Variants in TMEM106B observed in about 807,000 individuals in gnomAD.
TMEM106B encodes transmembrane protein 106B.
Under a neutral mutation model 31.1 loss-of-function variants are expected in TMEM106B, and 15 were observed. That is an observed-to-expected ratio of 0.48 (90% confidence interval 0.32 to 0.74). The LOEUF (loss-of-function observed/expected upper bound fraction) is 0.74, where lower values mean the gene tolerates loss of function less well. TMEM106B is among the 30% of genes least tolerant of loss of function. The pLI, the probability that TMEM106B is intolerant of heterozygous loss-of-function variation, is 0.03. For missense variants in TMEM106B, 283 were observed against 327.3 expected (o/e 0.86, Z 1.04); for synonymous variants, 126 against 112.5 (o/e 1.12, Z -0.76).
chr7:12,224,111 A>C lies in TMEM106B; in HGVS notation c.282-115A>C, dbSNP rs1781846040. 9.6e-6 allele frequency: 9 copies of C among 938,698 alleles called. No individual in the cohort carries two copies. The South Asian group carries it at 1.5e-4, about 15-fold the overall frequency. The allele number at this position is 938,698 out of a possible 1,614,324, so 58.1% of individuals were successfully genotyped here. On this transcript the variant is annotated intron_variant, in intron 3 of 7. Coordinates refer to ENST00000396668, the MANE Select transcript of TMEM106B (RefSeq NM_001134232.2). ...CAGATGTGAAAATTTGGTAACATTT[A>C]GCATCTTATATATGTTGCTGCTGAT...
intron 1 of TMEM106B, among the ~76,000 whole-genome samples, chr7:12,212,680 T>A (rs1781604042): frequency 6.6e-6 from 1 of 152,190 alleles, no homozygotes; most frequent in African/African-American, 2.4e-5. Context: ...GCTACATTGA[T>A]ACACAACATC....
At chr7:12,227,350 CTATAATG>C (rs1781920787) in intron 4 of TMEM106B, among the ~76,000 whole-genome samples, 2 of 152,094 alleles carry the variant, frequency 1.3e-5, no homozygotes, top group African/African-American at 2.4e-5. Flanking sequence ...CATTTGAGAA[CTATAATG>C]TATAAAGATT....
chr7:12,230,361 C>A, intron 5 of TMEM106B, 28 bp from the exon 6 acceptor site: 1 of 1,536,520 alleles, frequency 6.5e-7, no homozygotes, highest in Non-Finnish European at 9.0e-7. Flanking sequence ...ATCTTGTTCT[C>A]TATCGAATTT....
In TMEM106B at chr7:12,238,401, A is replaced by C. The variant is rs986526038; in HGVS notation, c.*6426A>C. 3 of 152,168 alleles carry C rather than the reference A, an allele frequency of 2.0e-5. No homozygotes were observed. Among genetic ancestry groups the C allele is most frequent in the Non-Finnish European group, 1.5e-5 (1 of 68,058 alleles). The allele number at this position is 152,168 out of a possible 1,614,324, so 9.4% of individuals were successfully genotyped here. On this transcript the variant is annotated 3_prime_UTR_variant, in exon 8 of 8. Transcript: ENST00000396668. ...CTTCACTGAAGTCATGAACCCCTCA[A>C]AATTATCCATGAGAGTTGAAATCAA...
rs1323504804 is a variant in TMEM106B, at chr7:12,239,802, C to A, written c.*7827C>A. 2 of 151,882 alleles carry A rather than the reference C, an allele frequency of 1.3e-5. No homozygotes were observed. The highest frequency in any genetic ancestry group is 2.9e-5 in the Non-Finnish European group (2 of 67,954). 9.4% of individuals were successfully genotyped at this position (151,882 alleles called of 1,614,324 possible). ...GGTTCATGCTGCCTCCAAATACTTA[C>A]AAAAACATCAAAGATCACTGATTAC... On this transcript the variant is annotated 3_prime_UTR_variant, in exon 8 of 8. Transcript: ENST00000396668.
At chr7:12,228,014 A>C (rs1781936508) in intron 4 of TMEM106B, among the ~76,000 whole-genome samples, 1 of 151,930 alleles carries the variant, frequency 6.6e-6, no homozygotes, top group Admixed American at 6.6e-5. Context: ...CCTTGGTCTT[A>C]TCAGAAGATC....
rs14978 is a variant in TMEM106B at position 12,233,526 on chromosome 7, A to G, written c.*1551A>G. On this transcript the variant is annotated 3_prime_UTR_variant, in exon 8 of 8. Transcript: ENST00000396668. ...CTTAATTTTCATATTATTTTCTGCA[A>G]GTTTTCTTGAGTATCTTCAATTCGT... 0.37 allele frequency: 55,819 copies of G among 150,740 alleles called. 10,707 individuals are homozygous for G. The highest frequency in any genetic ancestry group is 0.53 in the East Asian group (2,735 of 5,144). The allele number at this position is 150,740 out of a possible 1,614,324, so 9.3% of individuals were successfully genotyped here.
At chr7:12,230,164 C>T (rs1009439969) in intron 5 of TMEM106B, among the ~76,000 whole-genome samples, 1 of 151,646 alleles carries the variant, frequency 6.6e-6, no homozygotes, top group Non-Finnish European at 1.5e-5. Context: ...GCTCGCGAGC[C>T]GTGATCACAC....
Position 12,230,432 on chromosome 7 carries a change from A to G in TMEM106B, c.626A>G (p.Tyr209Cys). 1 of 1,585,404 alleles carries G rather than the reference A, an allele frequency of 6.3e-7. No individual in the cohort carries two copies. The highest frequency in any genetic ancestry group is 8.6e-7 in the Non-Finnish European group (1 of 1,158,496). Residue 209 changes from tyrosine to cysteine, a missense_variant, in exon 6 of 8, where the codon TAT (tyrosine) becomes TGT (cysteine). Tyr to Cys is a radical substitution (Grantham distance 194, BLOSUM62 -2). Coordinates refer to ENST00000396668, the MANE Select transcript of TMEM106B (RefSeq NM_001134232.2). Reference protein sequence around the residue: ...VPTVIAEEMSYMYDFCTLISI... With the variant: ...VPTVIAEEMSCMYDFCTLISI... ...ACCGTTATAGCAGAGGAAATGAGTT[A>G]TATGTAGTAAGTTCTGATTTATAAT...
In TMEM106B at chr7:12,232,490, C is replaced by G. The variant is rs1042949; in HGVS notation, c.*515C>G. ...TTAGCTTTTAGCTAGACATTTATAG[C>G]TTTTCATTTGTTGAAATGGTAATCA... On this transcript the variant is annotated 3_prime_UTR_variant, in exon 8 of 8. Coordinates refer to ENST00000396668, the MANE Select transcript of TMEM106B (RefSeq NM_001134232.2). 76,660 of 151,808 alleles carry G rather than the reference C, an allele frequency of 0.5. 20,460 individuals are homozygous for G. Among genetic ancestry groups the G allele is most frequent in the African/African-American group, 0.66 (27,474 of 41,434 alleles). 9.4% of individuals were successfully genotyped at this position (151,808 alleles called of 1,614,324 possible). A position where few individuals can be genotyped will look rare whatever the true frequency, so the allele number is the denominator to read the frequency against.
chr7:12,212,935 G>C (rs777225248), intron 1 of TMEM106B, among the ~76,000 whole-genome samples: 4 of 152,184 alleles, frequency 2.6e-5, no homozygotes, highest in Non-Finnish European at 4.4e-5. Flanking sequence ...ATCAAATTTA[G>C]AAGGAGTATA....
intron 2 of TMEM106B, among the ~76,000 whole-genome samples, chr7:12,216,401 G>C (rs1457432015): frequency 6.6e-6 from 1 of 152,026 alleles, no homozygotes; most frequent in Non-Finnish European, 1.5e-5. Context: ...GATTATTTGA[G>C]TGTATATGTC....
chr7:12,216,345 C>T (rs1432710769), intron 2 of TMEM106B, among the ~76,000 whole-genome samples: 1 of 148,980 alleles, frequency 6.7e-6, no homozygotes, highest in Non-Finnish European at 1.5e-5. Flanking sequence ...TTTGTTTGAG[C>T]AACTGAAAGA....
At chr7:12,225,945 G>T (rs1781892971) in intron 4 of TMEM106B, among the ~76,000 whole-genome samples, 1 of 152,162 alleles carries the variant, frequency 6.6e-6, no homozygotes, top group African/African-American at 2.4e-5. Flanking sequence ...CCTACATCCT[G>T]AATGGTATTG....
chr7:12,231,607 T>C (rs542566177), intron 7 of TMEM106B: 182 of 366,496 alleles, frequency 5.0e-4, no homozygotes, highest in Non-Finnish European at 7.5e-4. Context: ...ATAATTGTTT[T>C]AAAATATTAC....
In TMEM106B at chr7:12,229,707, A is replaced by G. The variant is rs1019261634; in HGVS notation, c.470A>G (p.Tyr157Cys). 2 of 1,611,106 alleles carry G rather than the reference A, an allele frequency of 1.2e-6. No individual in the cohort carries two copies. The highest frequency in any genetic ancestry group is 8.5e-7 in the Non-Finnish European group (1 of 1,179,148). Residue 157 changes from tyrosine to cysteine, a missense_variant, in exon 5 of 8, where the codon TAT becomes TGT. Coordinates refer to ENST00000396668, the MANE Select transcript of TMEM106B (RefSeq NM_001134232.2). The stretch of plus-strand genomic sequence containing the variant: ...ACACTAAATATAACAAACAATAACT[A>G]TTACTCTGTCGAAGTTGAAAACATC... ...TNTLNITNNN[Y>C]YSVEVENITA...
chr7:12,224,060 T>A lies in TMEM106B; in HGVS notation c.282-166T>A, dbSNP rs550319246. Among the ~76,000 whole-genome samples, 4 of 152,294 alleles carry A rather than the reference T, an allele frequency of 2.6e-5. No homozygotes were observed. The East Asian group carries it at 7.7e-4, about 29-fold the overall frequency. ...GAGAACATCTTAACACTTAATAGAC[T>A]CAGACTCAACCATACCCAATACTTT... On this transcript the variant is annotated intron_variant, in intron 3 of 7. Transcript: ENST00000396668.
At chr7:12,224,491 C>T (rs1217412020) in intron 4 of TMEM106B, 106 bp downstream of exon 4, 7 of 888,140 alleles carry the variant, frequency 7.9e-6, no homozygotes, top group Non-Finnish European at 1.2e-5. Context: ...TGACACTGGT[C>T]AGTGTGCTTT....
chr7:12,223,383 G>C (rs1370046324), intron 3 of TMEM106B, among the ~76,000 whole-genome samples: 1 of 151,964 alleles, frequency 6.6e-6, no homozygotes, highest in Non-Finnish European at 1.5e-5. Flanking sequence ...GTGCAGGTTT[G>C]TTACATAGGT....
Sources: gnomAD v4.1 joint callset for allele counts (sites outside exome capture counted in the v4.1 genomes callset) on GRCh38, gnomAD v4.1.1 for gene constraint, MANE v1.5 for transcripts, NCBI Gene and HGNC (gene_info 2026-07-23, HGNC 2026-07-21) for gene names.